Variants in CYFIP1 observed in about 807,000 individuals in gnomAD.
The protein encoded by CYFIP1 is cytoplasmic FMR1 interacting protein 1.
Under a neutral mutation model 163.5 loss-of-function variants are expected in CYFIP1, and 58 were observed. The ratio of observed to expected loss-of-function variants is 0.35; its 90% CI spans 0.29 to 0.44. CYFIP1 has a LOEUF of 0.44. CYFIP1 is among the 20% of genes least tolerant of loss of function. CYFIP1 has a pLI of 1.00. For synonymous variants in CYFIP1, 663 were observed against 660.7 expected (o/e 1.00, Z -0.05); for missense variants, 1,338 against 1,653.8 (o/e 0.81, Z 3.31).
At chr15:22,897,373 T>A (rs1156587774) in intron 22 of CYFIP1, among the ~76,000 whole-genome samples, 1 of 151,900 alleles carries the variant, frequency 6.6e-6, no homozygotes, top group Non-Finnish European at 1.5e-5. Context: ...GACTTACTTG[T>A]CAATCTGCTG....
intron 21 of CYFIP1, 26 bp downstream of exon 21, chr15:22,909,168 C>T: frequency 6.2e-7 from 1 of 1,613,078 alleles, no homozygotes; most frequent in South Asian, 1.1e-5. Context: ...TCCAATTTAT[C>T]AATAGGGCAA....
intron 1 of CYFIP1, among the ~76,000 whole-genome samples, chr15:22,971,930 A>AGGTTCAATGCAATCTACG: frequency 6.6e-6 from 1 of 152,208 alleles, no homozygotes; most frequent in Non-Finnish European, 1.5e-5. Context: ...TGCAATCTAC[A>AGGTTCAATGCAATCTACG]GGTTCAATGC....
At chr15:22,961,745 G>C (rs917620569) in intron 1 of CYFIP1, among the ~76,000 whole-genome samples, 1 of 151,908 alleles carries the variant, frequency 6.6e-6, no homozygotes, top group African/African-American at 2.4e-5. Context: ...TAAAATCCTT[G>C]GAATCTTGGT....
At chr15:22,959,519 T>A (rs1213402403) in intron 1 of CYFIP1, among the ~76,000 whole-genome samples, 60 of 152,194 alleles carry the variant, frequency 3.9e-4, no homozygotes, top group Admixed American at 3.9e-3. Context: ...GTGGCCCGCA[T>A]GGCCGGGCAG....
intron 25 of CYFIP1, 128 bp from the exon 26 acceptor site, chr15:22,880,171 A>T: frequency 7.9e-7 from 1 of 1,261,428 alleles, no homozygotes; most frequent in East Asian, 2.3e-5. Flanking sequence ...GACAGCCACA[A>T]CGTCCCATCC....
chr15:22,968,601 C>T (rs1031087147), intron 1 of CYFIP1, among the ~76,000 whole-genome samples: 2 of 152,162 alleles, frequency 1.3e-5, no homozygotes, highest in African/African-American at 4.8e-5. Flanking sequence ...AGAACCCTGA[C>T]TAATACATCA....
chr15:22,924,935 G>C (rs1056144366), intron 13 of CYFIP1, among the ~76,000 whole-genome samples: 1 of 152,056 alleles, frequency 6.6e-6, no homozygotes, highest in African/African-American at 2.4e-5. Flanking sequence ...AGCCAGGTGT[G>C]GTGGCATGCA....
chr15:22,886,476 T>C (rs1347572659), intron 23 of CYFIP1, among the ~76,000 whole-genome samples: 1 of 152,222 alleles, frequency 6.6e-6, no homozygotes, highest in Non-Finnish European at 1.5e-5. Flanking sequence ...ATATCAAATC[T>C]TGATATATTT....
At chr15:22,915,500 T>C (rs1010840686) in intron 16 of CYFIP1, among the ~76,000 whole-genome samples, 19 of 152,138 alleles carry the variant, frequency 1.2e-4, no homozygotes, top group Admixed American at 7.8e-4. Flanking sequence ...CCTGTAATCC[T>C]AGCACTTTGG....
At chr15:22,903,625 C>A (rs1309459449) in intron 22 of CYFIP1, 81 bp downstream of exon 22, 5 of 1,435,018 alleles carry the variant, frequency 3.5e-6, no homozygotes, top group Non-Finnish European at 4.9e-6. Context: ...AGACAGGGAC[C>A]TGGTGACATG....
rs780717830 is a variant in CYFIP1 at position 22,914,765 on chromosome 15, G to A, written c.1946C>T (p.Thr649Met). ...CTCCTTGGTCTCCAGGATGTGGTCC[G>A]TCAGGATCCAGGGCATCGACATCTC... ...PIEMSMPWIL[T>M]DHILETKEAS... is the part of the protein sequence containing the mutation. Residue 649 changes from threonine to methionine, a missense_variant, in exon 17 of 31, where the codon ACG becomes ATG. Transcript: ENST00000617928. The A allele has an allele frequency of 2.8e-5, 45 of 1,613,544 alleles. No individual in the cohort carries two copies. Among genetic ancestry groups the A allele is most frequent in the East Asian group, 1.8e-4 (8 of 44,862 alleles).
chr15:22,968,079 T>A (rs111615678), intron 1 of CYFIP1, among the ~76,000 whole-genome samples: 1,727 of 152,124 alleles, frequency 0.011, 34 homozygotes, highest in African/African-American at 0.04. Flanking sequence ...GAGGTTGCAG[T>A]GAGCCAAGAT....
intron 13 of CYFIP1, among the ~76,000 whole-genome samples, chr15:22,925,695 G>A (rs1281892166): frequency 2.6e-5 from 4 of 152,184 alleles, no homozygotes; most frequent in Non-Finnish European, 5.9e-5. Context: ...TCTCTCAGCA[G>A]GGGCCACATC....
intron 21 of CYFIP1, among the ~76,000 whole-genome samples, chr15:22,908,401 G>A (rs1043960029): frequency 2.0e-5 from 3 of 151,736 alleles, no homozygotes; most frequent in African/African-American, 7.3e-5. Context: ...GATAACAGGA[G>A]AAGGATTAGA....
At chr15:22,908,350 G>T (rs1848217803) in intron 21 of CYFIP1, among the ~76,000 whole-genome samples, 1 of 151,924 alleles carries the variant, frequency 6.6e-6, no homozygotes, top group Admixed American at 6.6e-5. Context: ...GGGGAACGTT[G>T]GCCCCGAACA....
chr15:22,875,691 CAGAA>C (rs1366068230), intron 26 of CYFIP1, among the ~76,000 whole-genome samples: 1 of 151,868 alleles, frequency 6.6e-6, no homozygotes, highest in Admixed American at 6.6e-5. Flanking sequence ...ACCACACTGA[CAGAA>C]GGAAGGGGCG....
At chr15:22,924,997 A>G (rs1165661982) in intron 13 of CYFIP1, among the ~76,000 whole-genome samples, 1 of 152,156 alleles carries the variant, frequency 6.6e-6, no homozygotes, top group Non-Finnish European at 1.5e-5. Context: ...GCTTGAGTCC[A>G]GGAGGCTGAG....
intron 13 of CYFIP1, among the ~76,000 whole-genome samples, chr15:22,922,078 C>G (rs1271724978): frequency 6.6e-6 from 1 of 152,156 alleles, no homozygotes; most frequent in Non-Finnish European, 1.5e-5. Context: ...GAATGAAACT[C>G]CGCACATCCC....
At chr15:22,913,198 T>C (rs992035408) in intron 17 of CYFIP1, among the ~76,000 whole-genome samples, 2 of 132,598 alleles carry the variant, frequency 1.5e-5, no homozygotes, top group Admixed American at 7.6e-5. Flanking sequence ...CTTGTCTCTG[T>C]TGGGGGGAAA....
Sources: allele counts gnomAD v4.1 joint callset (sites outside exome capture counted in the v4.1 genomes callset), GRCh38; gene constraint gnomAD v4.1.1; transcripts MANE v1.5; gene names NCBI Gene and HGNC (gene_info 2026-07-23, HGNC 2026-07-21).